ARHGEF4: variants seen among roughly 807,000 people sequenced by gnomAD.
The protein encoded by ARHGEF4 is Rho guanine nucleotide exchange factor 4.
A neutral mutation model predicts 162.0 loss-of-function variants in ARHGEF4; 119 were observed. The ratio of observed to expected loss-of-function variants is 0.73; its 90% CI spans 0.63 to 0.86. The LOEUF (loss-of-function observed/expected upper bound fraction) is 0.86. Among genes scored for constraint, ARHGEF4 ranks in the 40% least tolerant of loss-of-function variants. The pLI is 0.00. For synonymous variants in ARHGEF4, 1,014 were observed against 979.9 expected, an observed-to-expected ratio of 1.03 and a Z score of -0.65; for missense variants, 2,488 against 2,456.0, an observed-to-expected ratio of 1.01 and a Z score of -0.28.
Position 131,041,908 on chromosome 2 carries a change from G to C in ARHGEF4, c.4989G>C (p.Lys1663Asn). The change falls in exon 10 of 14, where the codon AAG becomes AAC. Residue 1663 changes from lysine (K) to asparagine (N), a missense_variant. Transcript: ENST00000409359. The part of the protein sequence containing the change: ...ERKRRLENID[K>N]IAQWQSSIED... ...AGCGGAGACTTGAGAACATCGACAAGATTGCTCAGTGGCAGAGCTCCATAG... is the reference window on the plus strand; with the variant it reads ...AGCGGAGACTTGAGAACATCGACAACATTGCTCAGTGGCAGAGCTCCATAG... 1 of 1,613,688 alleles carries C rather than the reference G, an allele frequency of 6.2e-7. No individual in the cohort carries two copies. Among genetic ancestry groups the C allele is most frequent in the South Asian group, 1.1e-5 (1 of 91,086 alleles).
chr2:130,886,648 T>A (rs1351019630), intron 1 of ARHGEF4, among the ~76,000 whole-genome samples: 1 of 149,664 alleles, frequency 6.7e-6, no homozygotes, highest in South Asian at 2.1e-4. Flanking sequence ...GCCACTGCAC[T>A]CCAGCCTGGG....
At chr2:130,907,797 G>A (rs1440193086) in intron 1 of ARHGEF4, among the ~76,000 whole-genome samples, 3 of 151,470 alleles carry the variant, frequency 2.0e-5, no homozygotes, top group East Asian at 2.0e-4. Context: ...TCTACTAAAC[G>A]TACAAAAAAT....
At chr2:130,992,341 T>G (rs996530530) in intron 4 of ARHGEF4, among the ~76,000 whole-genome samples, 4 of 151,528 alleles carry the variant, frequency 2.6e-5, no homozygotes. Context: ...GCAATAAATC[T>G]TGCTACTGCT....
chr2:130,915,828 AG>A lies in ARHGEF4; in HGVS notation c.1886del (p.Gly629AlafsTer6). 2 of 1,527,858 alleles carry A rather than the reference AG, an allele frequency of 1.3e-6. No homozygotes were observed. Among genetic ancestry groups the A allele is most frequent in the Non-Finnish European group, 1.8e-6 (2 of 1,135,948 alleles). 94.6% of individuals were successfully genotyped at this position (1,527,858 alleles called of 1,614,324 possible). A position where few individuals can be genotyped will look rare whatever the true frequency, so the allele number is the denominator to read the frequency against. ...AGCAGGCGGCGAGGCCTCGAGGGGCAGGGGCGCCCTCATCATTGTAGCTGTG... is the reference window on the plus strand; with the variant it reads ...AGCAGGCGGCGAGGCCTCGAGGGGCAGGGCGCCCTCATCATTGTAGCTGTG... Reference protein sequence around the residue: ...PKAGGEASRGRGALIIVAVEQ... With the variant: ...PKAGGEASRGXGALIIVAVEQ... On this transcript the variant is annotated frameshift_variant, in exon 2 of 14. Coordinates refer to ENST00000409359, the MANE Select transcript of ARHGEF4 (RefSeq NM_001367493.1). LOFTEE classifies it high-confidence loss of function.
intron 4 of ARHGEF4, among the ~76,000 whole-genome samples, chr2:131,022,233 T>A (rs1477564705): frequency 6.6e-6 from 1 of 152,208 alleles, no homozygotes; most frequent in African/African-American, 2.4e-5. Flanking sequence ...GTGTTGATTA[T>A]ACTTTAAATA....
At position 130,946,627 on chromosome 2, in the gene ARHGEF4, C is replaced by A; in HGVS notation, c.3977C>A (p.Pro1326Gln). The change falls in exon 4 of 14, where the codon CCA becomes CAA. Residue 1326 changes from proline (P) to glutamine (Q), a missense_variant. Pro to Gln is a moderately conservative substitution (Grantham distance 76, BLOSUM62 -1). Around this residue, in one of 6 missense-constraint regions of ARHGEF4, gnomAD observed 1,642 missense variants for 1,481.5 expected, o/e 1.11. Coordinates refer to ENST00000409359, the MANE Select transcript of ARHGEF4 (RefSeq NM_001367493.1). ...CACATGGGCTGGCCAGAGCACACACCAGGCACTGGTGAGTTACGCGCCTCT... is the reference window on the plus strand; with the variant it reads ...CACATGGGCTGGCCAGAGCACACACAAGGCACTGGTGAGTTACGCGCCTCT... ...LNHMGWPEHT[P>Q]GTAMPDGALD... 6.2e-7 allele frequency: 1 copy of A among 1,614,052 alleles called. No individual in the cohort carries two copies. Among genetic ancestry groups the A allele is most frequent in the Non-Finnish European group, 8.5e-7 (1 of 1,179,948 alleles).
chr2:131,035,959 T>C (rs1007013881), intron 5 of ARHGEF4: 1 of 701,912 alleles, frequency 1.4e-6, no homozygotes, highest in Non-Finnish European at 1.8e-6. Context: ...TCCCGCTCCC[T>C]GCCCTGGGCT....
rs183729341 is a variant in ARHGEF4 at position 130,922,240 on chromosome 2, G to T, written c.3552+4742G>T. ...ACAAAAATTAGCCGGGCATGGTGGC[G>T]CATGCATATAATCGCAGCTAGTTGG... On this transcript the variant is annotated intron_variant, in intron 2 of 13. Transcript: ENST00000409359. Among the ~76,000 whole-genome samples the T allele has an allele frequency of 2.2e-3, 328 of 151,760 alleles. 1 individual carries two copies. The highest frequency in any genetic ancestry group is 7.7e-3 in the African/African-American group (318 of 41,406).
intron 1 of ARHGEF4, among the ~76,000 whole-genome samples, chr2:130,864,801 A>G (rs1170445513): frequency 1.3e-5 from 2 of 152,278 alleles, no homozygotes; most frequent in Non-Finnish European, 2.9e-5. Flanking sequence ...TGATGGTTGC[A>G]CAACTCTGAA....
chr2:131,023,559 T>C (rs934072818), intron 4 of ARHGEF4, among the ~76,000 whole-genome samples: 3 of 152,206 alleles, frequency 2.0e-5, no homozygotes, highest in African/African-American at 7.2e-5. Flanking sequence ...TGATGAGATA[T>C]CACTATACAC....
intron 1 of ARHGEF4, among the ~76,000 whole-genome samples, chr2:130,845,620 C>T (rs960914498): frequency 3.3e-5 from 5 of 152,096 alleles, no homozygotes; most frequent in African/African-American, 7.2e-5. Flanking sequence ...TTTACAGAGG[C>T]ATGCTGACTA....
rs1386651869 is a variant in ARHGEF4 at position 130,917,834 on chromosome 2, T to C, written c.3552+336T>C. Among the ~76,000 whole-genome samples, 14 of 149,524 alleles carry C rather than the reference T, an allele frequency of 9.4e-5. No individual in the cohort carries two copies. The East Asian group carries it at 2.2e-3, about 23-fold the overall frequency. ...CTTTTTCTTTTTTTCTTTTTTTTTT[T>C]TTTTTTGAGACGGAGTCTCGCTCTG... On this transcript the variant is annotated intron_variant, in intron 2 of 13. Coordinates refer to ENST00000409359, the MANE Select transcript of ARHGEF4 (RefSeq NM_001367493.1).
At chr2:130,932,548 G>T (rs1435746492) in intron 3 of ARHGEF4, among the ~76,000 whole-genome samples, 1 of 152,174 alleles carries the variant, frequency 6.6e-6, no homozygotes, top group East Asian at 1.9e-4. Context: ...ACCATTATAA[G>T]ATATGTCATT....
intron 4 of ARHGEF4, 91 bp downstream of exon 4, chr2:130,946,726 C>A: frequency 1.3e-6 from 2 of 1,564,574 alleles, no homozygotes; most frequent in Non-Finnish European, 1.7e-6. Context: ...TATCCACTTG[C>A]CTGGTAGAAG....
intron 1 of ARHGEF4, among the ~76,000 whole-genome samples, chr2:130,903,007 G>A (rs976578545): frequency 8.6e-5 from 13 of 151,778 alleles, no homozygotes; most frequent in South Asian, 2.1e-4. Context: ...CTCTGATTCC[G>A]TCCTCTGCCT....
rs541543130 is a variant in ARHGEF4, at chr2:130,930,957, C to T, written c.3558C>T (p.His1186=). 8.7e-6 allele frequency: 14 copies of T among 1,605,288 alleles called. No individual in the cohort carries two copies. The South Asian group carries it at 1.5e-4, about 18-fold the overall frequency. Residue 1186 remains histidine, a synonymous_variant, in exon 3 of 14, where the codon CAC becomes CAT. Transcript: ENST00000409359. The part of the protein sequence containing the change: ...WLRDLPGSEN[H]MPWEEPAGEK... ...CCGTTCTCTCTGCTCTCCAGAACCA[C>T]ATGCCCTGGGAAGAACCAGCAGGTG... is the stretch of plus-strand genomic sequence containing the variant.
intron 4 of ARHGEF4, chr2:130,964,294 G>A (rs1684841466): frequency 3.1e-6 from 3 of 981,686 alleles, no homozygotes; most frequent in Middle Eastern, 5.2e-4. Context: ...CTCCGCGCCC[G>A]GGTCTGTGCT....
chr2:131,038,578 G>A (rs1690492414), intron 5 of ARHGEF4, among the ~76,000 whole-genome samples: 1 of 152,242 alleles, frequency 6.6e-6, no homozygotes, highest in Admixed American at 6.5e-5. Context: ...GATTGGGAAT[G>A]CTAACAGGGA....
chr2:130,941,092 G>A (rs575385731), intron 3 of ARHGEF4, among the ~76,000 whole-genome samples: 9 of 152,214 alleles, frequency 5.9e-5, no homozygotes, highest in African/African-American at 2.2e-4. Flanking sequence ...GAATGTTTAA[G>A]TAACCCATAT....
Sources: allele counts gnomAD v4.1 joint callset (sites outside exome capture counted in the v4.1 genomes callset), GRCh38; gene constraint gnomAD v4.1.1; regional missense constraint gnomAD v4.1.1; transcripts MANE v1.5; gene names NCBI Gene and HGNC (gene_info 2026-07-23, HGNC 2026-07-21).